The following KIAA1755 variants were observed in gnomAD, a reference collection of about 807,000 sequenced individuals.
The protein encoded by KIAA1755 is KIAA1755, also known as uncharacterized protein KIAA1755.
KIAA1755 carries 68 observed loss-of-function variants against 91.7 expected under a neutral mutation model. The ratio of observed to expected loss-of-function variants is 0.74; its 90% confidence interval spans 0.61 to 0.91. The LOEUF is 0.91. KIAA1755 is among the 40% of genes least tolerant of loss of function. The pLI is 0.00. For synonymous variants in KIAA1755, 610 were observed against 604.6 expected, an observed-to-expected ratio of 1.01 and a Z score of -0.13; for missense variants, 1,535 against 1,494.4, an observed-to-expected ratio of 1.03 and a Z score of -0.45.
chr20:38,243,379 T>C (rs191740073), intron 2 of KIAA1755, among the ~76,000 whole-genome samples: 2 of 152,330 alleles, frequency 1.3e-5, no homozygotes, highest in Admixed American at 1.3e-4. Context: ...GTCTGTAGGT[T>C]TTCTCGACCC....
intron 4 of KIAA1755, among the ~76,000 whole-genome samples, chr20:38,239,156 G>A (rs1484140187): frequency 6.6e-6 from 1 of 152,242 alleles, no homozygotes; most frequent in East Asian, 1.9e-4. Context: ...CCACAGCCTT[G>A]CTTGGCTCCT....
chr20:38,225,680 C>G lies in KIAA1755; in HGVS notation c.2154G>C (p.Trp718Cys). The G allele has an allele frequency of 6.2e-7, 1 of 1,611,744 alleles. No homozygotes were observed. The stretch of plus-strand genomic sequence containing the variant: ...CGGTAAACACCTGGAAGAAATGAAC[C>G]CACTCGGTGTGGCAGTAGGGGAAGG... Reference protein sequence around the residue: ...EGPFPYCHTEWVHFFQKLDPF... With the variant: ...EGPFPYCHTECVHFFQKLDPF... Residue 718 changes from tryptophan (W) to cysteine (C), a missense_variant, in exon 8 of 14, where the codon TGG becomes TGC. Trp to Cys is a radical substitution (Grantham distance 215). Transcript: ENST00000279024.
chr20:38,215,498 A>G lies in KIAA1755; in HGVS notation c.2901+1755T>C, dbSNP rs145168497. On this transcript the variant is annotated intron_variant, in intron 13 of 13. Transcript: ENST00000279024. ...AAGAGACAAGCGAGTGACAAGGACC[A>G]GGACAACTTCAGGTCAAAGTGAGCA... Among the ~76,000 whole-genome samples, 5 of 152,362 alleles carry G rather than the reference A, an allele frequency of 3.3e-5. No individual in the cohort carries two copies. The East Asian group carries it at 7.7e-4, about 23-fold the overall frequency.
chr20:38,242,353 T>C (rs528908188), intron 2 of KIAA1755, among the ~76,000 whole-genome samples: 1 of 152,366 alleles, frequency 6.6e-6, no homozygotes, highest in South Asian at 2.1e-4. Context: ...TTAACTTCTT[T>C]GAGCCCCAAT....
Position 38,246,053 on chromosome 20 carries a change from G to T in KIAA1755, c.77C>A (p.Pro26His). ...GLYPPFEATA[P>H]TVLGQVFRLL... ...ACGGAACACCTGACCCAGGACGGTGGGTGCTGTGGCCTCGAAAGGAGGATA... is the reference window on the plus strand; with the variant it reads ...ACGGAACACCTGACCCAGGACGGTGTGTGCTGTGGCCTCGAAAGGAGGATA... The change falls in exon 2 of 14, where the codon CCC becomes CAC. Residue 26 changes from proline to histidine, a missense_variant. Physicochemically the swap from Pro to His is moderately conservative, Grantham distance 77 (BLOSUM62 -2). Coordinates refer to ENST00000279024, the MANE Select transcript of KIAA1755 (RefSeq NM_001029864.2). The T allele has an allele frequency of 6.2e-7, 1 of 1,614,172 alleles. No homozygotes were observed. The highest frequency in any genetic ancestry group is 8.5e-7 in the Non-Finnish European group (1 of 1,180,020).
At position 38,225,647 on chromosome 20, in the gene KIAA1755, G is replaced by T. The variant is rs1041844974; in HGVS notation, c.2169+18C>A. On this transcript the variant is annotated intron_variant, in intron 8 of 13. Coordinates refer to ENST00000279024, the MANE Select transcript of KIAA1755 (RefSeq NM_001029864.2). ...GAAGGAGTGGGGGTCAGGGGCTAAA[G>T]GCTGTGACGGTAAACACCTGGAAGA... 3.4e-6 allele frequency: 5 copies of T among 1,490,522 alleles called. No homozygotes were observed. Among genetic ancestry groups the T allele is most frequent in the Non-Finnish European group, 3.7e-6 (4 of 1,067,300 alleles). 92.3% of individuals were successfully genotyped at this position (1,490,522 alleles called of 1,614,324 possible).
At chr20:38,260,419 G>GT in intron 1 of KIAA1755, 79 bp downstream of exon 1, 1 of 1,585,874 alleles carries the variant, frequency 6.3e-7, no homozygotes, top group South Asian at 1.2e-5. Flanking sequence ...GGCCACCCGG[G>GT]GCTGTTCTGC....
In KIAA1755 at chr20:38,239,614, G is replaced by T. The variant is rs1216573430; in HGVS notation, c.1661C>A (p.Thr554Asn). The change falls in exon 4 of 14, where the codon ACC (threonine) becomes AAC (asparagine). Residue 554 changes from threonine (T) to asparagine (N), a missense_variant. By Grantham distance (65) the Thr-to-Asn change is moderately conservative. Transcript: ENST00000279024. The stretch of plus-strand genomic sequence containing the variant: ...AGGCCCTGGGGGCTCCTCCTCCAGG[G>T]TGGGGCCTCTTTCTGGGGAGCCTGC... ...ASAGSPERGP[T>N]LEEEPPGPEP... The T allele has an allele frequency of 6.2e-7, 1 of 1,606,190 alleles. No individual in the cohort carries two copies. The highest frequency in any genetic ancestry group is 8.5e-7 in the Non-Finnish European group (1 of 1,177,338).
At chr20:38,245,793 A>G in intron 2 of KIAA1755, 136 bp downstream of exon 2, 1 of 731,042 alleles carries the variant, frequency 1.4e-6, no homozygotes, top group East Asian at 2.7e-5. Context: ...AAGCAATGAT[A>G]CTTGGAAAGT....
intron 13 of KIAA1755, among the ~76,000 whole-genome samples, chr20:38,216,296 C>T (rs2075542428): frequency 6.6e-6 from 1 of 152,250 alleles, no homozygotes; most frequent in South Asian, 2.1e-4. Context: ...CCACTGCCAA[C>T]ATCTGCCTCC....
At chr20:38,227,125 C>T in intron 7 of KIAA1755, 29 bp downstream of exon 7, 1 of 1,586,612 alleles carries the variant, frequency 6.3e-7, no homozygotes, top group Non-Finnish European at 8.6e-7. Flanking sequence ...AACTCCCTTC[C>T]TCAACCGCCG....
In KIAA1755 at chr20:38,213,737, A is replaced by C. The variant is rs149940758; in HGVS notation, c.2908T>G (p.Trp970Gly). Residue 970 changes from tryptophan to glycine, a missense_variant, in exon 14 of 14, where the codon TGG becomes GGG. By Grantham distance (184) the Trp-to-Gly change is radical (BLOSUM62 -2). Coordinates refer to ENST00000279024, the MANE Select transcript of KIAA1755 (RefSeq NM_001029864.2). ...AGGTCCTGACAGTCCATGTGGAACCAGGTCATCTGGGGGACAAGAAGAGAG... is the reference window on the plus strand; with the variant it reads ...AGGTCCTGACAGTCCATGTGGAACCCGGTCATCTGGGGGACAAGAAGAGAG... ...HLHRFCKRMT[W>G]FHMDCQDLMA... 9.1e-5 allele frequency: 134 copies of C among 1,469,368 alleles called. No individual in the cohort carries two copies. Among genetic ancestry groups the C allele is most frequent in the Non-Finnish European group, 1.2e-4 (132 of 1,110,452 alleles). 91.0% of individuals were successfully genotyped at this position (1,469,368 alleles called of 1,614,324 possible). A position where few individuals can be genotyped will look rare whatever the true frequency, so the allele number is the denominator to read the frequency against.
rs756190556 is a variant in KIAA1755 at position 38,239,719 on chromosome 20, G to A, written c.1556C>T (p.Thr519Ile). ...TGGGCCAGATGTTTTGGTCTGAGTT[G>A]TTCCAGCTGGGAAAAAGCAACAACA... ...NRAKSLGKAG[T>I]TQTKTSGPAT... The change falls in exon 4 of 14, where the codon ACA (threonine) becomes ATA (isoleucine). Residue 519 changes from threonine (T) to isoleucine (I), a missense_variant. Coordinates refer to ENST00000279024, the MANE Select transcript of KIAA1755 (RefSeq NM_001029864.2). 2 of 1,611,778 alleles carry A rather than the reference G, an allele frequency of 1.2e-6. No individual in the cohort carries two copies. Among genetic ancestry groups the A allele is most frequent in the South Asian group, 2.2e-5 (2 of 91,080 alleles).
intron 1 of KIAA1755, among the ~76,000 whole-genome samples, chr20:38,252,114 C>T (rs1167263589): frequency 6.6e-6 from 1 of 152,160 alleles, no homozygotes; most frequent in Non-Finnish European, 1.5e-5. Flanking sequence ...TCCCCTTCTG[C>T]ACATAGATGG....
chr20:38,218,089 T>C, intron 12 of KIAA1755, 155 bp downstream of exon 12: 1 of 867,732 alleles, frequency 1.2e-6, no homozygotes, highest in Non-Finnish European at 1.8e-6. Flanking sequence ...GGAGATAACA[T>C]CTCAGCTGAA....
In KIAA1755 at chr20:38,213,002, A is replaced by T. The variant is rs772534311; in HGVS notation, c.*40T>A. 1 of 1,482,400 alleles carries T rather than the reference A, an allele frequency of 6.7e-7. No individual in the cohort carries two copies. Among genetic ancestry groups the T allele is most frequent in the Non-Finnish European group, 9.1e-7 (1 of 1,104,806 alleles). 91.8% of individuals were successfully genotyped at this position (1,482,400 alleles called of 1,614,324 possible). ...TACCCCTCCAGCTGGGCCCTGGCCC[A>T]GTGCTCCTGGAGGCTGGTGCGACTG... On this transcript the variant is annotated 3_prime_UTR_variant, in exon 14 of 14. Transcript: ENST00000279024.
Position 38,213,620 on chromosome 20 carries a change from A to C in KIAA1755, c.3025T>G (p.Phe1009Val), listed in dbSNP as rs768817760. The change falls in exon 14 of 14, where the codon TTC becomes GTC. Residue 1009 changes from phenylalanine to valine, a missense_variant. Phe to Val is a conservative substitution (Grantham distance 50, BLOSUM62 -1). Transcript: ENST00000279024. ...HRYLQRLASE[F>V]PAEKLAAVGL... The stretch of plus-strand genomic sequence containing the variant: ...ACGGCTGCGAGCTTCTCAGCAGGGA[A>C]CTCAGATGCCAGTCGCTGCAGGTAG... The C allele has an allele frequency of 2.5e-6, 4 of 1,611,044 alleles. No individual in the cohort carries two copies. The highest frequency in any genetic ancestry group is 3.4e-6 in the Non-Finnish European group (4 of 1,178,688).
At chr20:38,220,297 C>CTTTTT (rs35575614) in intron 10 of KIAA1755, among the ~76,000 whole-genome samples, 4 of 134,392 alleles carry the variant, frequency 3.0e-5, no homozygotes, top group Admixed American at 7.5e-5. Flanking sequence ...TGATGTTTCC[C>CTTTTT]TTTTTTTTTT....
chr20:38,227,299 CT>C, intron 6 of KIAA1755, 59 bp from the exon 7 acceptor site: 7 of 1,312,712 alleles, frequency 5.3e-6, no homozygotes, highest in Non-Finnish European at 5.4e-6. Flanking sequence ...GCCTCACACA[CT>C]TTGATTTCCT....
Sources: allele counts gnomAD v4.1 joint callset (sites outside exome capture counted in the v4.1 genomes callset), GRCh38; gene constraint gnomAD v4.1.1; transcripts MANE v1.5; gene names NCBI Gene and HGNC (gene_info 2026-07-23, HGNC 2026-07-21).